ASTN1: variants seen among roughly 807,000 people sequenced by gnomAD.
ASTN1 encodes astrotactin-1.
Under a neutral mutation model 140.7 loss-of-function variants are expected in ASTN1, and 41 were observed. The observed-to-expected ratio is 0.29, with a 90% CI of 0.23 to 0.38. The LOEUF (loss-of-function observed/expected upper bound fraction) is 0.38. Among genes scored for constraint, ASTN1 ranks in the 10% least tolerant of loss-of-function variants. ASTN1 has a pLI of 1.00. For missense variants in ASTN1, 1,479 were observed against 1,678.8 expected (o/e 0.88, Z 2.08); for synonymous variants, 640 against 652.2 (o/e 0.98, Z 0.29).
intron 8 of ASTN1, among the ~76,000 whole-genome samples, chr1:177,012,673 T>C (rs1675348691): frequency 6.6e-6 from 1 of 152,178 alleles, no homozygotes; most frequent in Admixed American, 6.5e-5. Context: ...TAAGACTGTC[T>C]CTACATACAG....
chr1:177,156,532 C>T (rs150677946), intron 1 of ASTN1, among the ~76,000 whole-genome samples: 104 of 151,992 alleles, frequency 6.8e-4, no homozygotes, highest in Non-Finnish European at 1.0e-3. Flanking sequence ...TGAATTAAAA[C>T]GCAAAGTATA....
In ASTN1 at chr1:177,053,089, G is replaced by T. The variant is rs7549252; in HGVS notation, c.471+7989C>A. 8.7e-3 allele frequency among the ~76,000 whole-genome samples: 1,328 copies of T among 152,296 alleles called. 11 individuals are homozygous for T. Among genetic ancestry groups the T allele is most frequent in the African/African-American group, 0.027 (1,143 of 41,578 alleles). On this transcript the variant is annotated intron_variant, in intron 2 of 22. Coordinates refer to ENST00000361833, the MANE Select transcript of ASTN1 (RefSeq NM_004319.3). ...ATACAGTGCTGGAGACACAGTGAGG[G>T]CTTAGTGAGCAATAGCTTTATTACT...
At chr1:176,983,077 G>A (rs1044249388) in intron 8 of ASTN1, among the ~76,000 whole-genome samples, 5 of 152,122 alleles carry the variant, frequency 3.3e-5, no homozygotes, top group African/African-American at 1.2e-4. Context: ...TGTTGGGGTG[G>A]GTGAAATTCA....
At chr1:176,857,435 T>C (rs990619848), downstream of ASTN1, 69 of 403,264 alleles carry the variant, frequency 1.7e-4, no homozygotes, top group Non-Finnish European at 2.1e-4. Context: ...TTTGGGATTA[T>C]AGAAGGACAA....
chr1:176,964,698 G>A (rs550901322), intron 9 of ASTN1, among the ~76,000 whole-genome samples: 10 of 152,206 alleles, frequency 6.6e-5, no homozygotes, highest in Non-Finnish European at 1.3e-4. Flanking sequence ...AGGCAGGGGC[G>A]GGAGAGATTC....
rs1453389733 is a variant in ASTN1 at position 176,876,553 on chromosome 1, A to G, written c.3447T>C (p.Asp1149=). 14 of 1,614,190 alleles carry G rather than the reference A, an allele frequency of 8.7e-6. No individual in the cohort carries two copies. The highest frequency in any genetic ancestry group is 1.1e-5 in the Non-Finnish European group (13 of 1,180,020). Residue 1149 remains aspartate (D), a synonymous_variant, in exon 21 of 23, where the codon GAT becomes GAC. Coordinates refer to ENST00000361833, the MANE Select transcript of ASTN1 (RefSeq NM_004319.3). The part of the protein sequence containing the change: ...VIVKTPCPVV[D]DVKAQEIADK... ...GTCTCTTACCTTGAGCCTTGACATC[A>G]TCCACCACGGGGCATGGGGTCTTCA... is the stretch of plus-strand genomic sequence containing the variant.
chr1:176,949,091 G>T, intron 12 of ASTN1, 94 bp downstream of exon 12: 1 of 1,518,904 alleles, frequency 6.6e-7, no homozygotes, highest in Non-Finnish European at 9.0e-7. Context: ...GGCCTAGGGT[G>T]ACCTATTCAC....
intron 16 of ASTN1, among the ~76,000 whole-genome samples, chr1:176,910,358 A>C (rs529819454): frequency 6.6e-6 from 1 of 152,258 alleles, no homozygotes; most frequent in South Asian, 2.1e-4. Context: ...TTCCATCAAA[A>C]AGTTTGTTGA....
intron 22 of ASTN1, 100 bp from the exon 23 acceptor site, chr1:176,864,621 A>T (rs572992538): frequency 1.3e-6 from 2 of 1,507,212 alleles, no homozygotes; most frequent in African/African-American, 2.8e-5. Context: ...AAGAGGGAAG[A>T]GTGTGGTGTG....
intron 16 of ASTN1, among the ~76,000 whole-genome samples, chr1:176,928,026 A>T (rs543052817): frequency 6.6e-6 from 1 of 151,748 alleles, no homozygotes; most frequent in Non-Finnish European, 1.5e-5. Flanking sequence ...GTTTGTATGT[A>T]TGTGTATATT....
intron 16 of ASTN1, among the ~76,000 whole-genome samples, chr1:176,933,726 G>A (rs1671311843): frequency 6.6e-6 from 1 of 152,132 alleles, no homozygotes; most frequent in Non-Finnish European, 1.5e-5. Flanking sequence ...AGCAAGAAGG[G>A]GTTTACTATG....
chr1:177,057,975 A>G (rs760627357), intron 2 of ASTN1, among the ~76,000 whole-genome samples: 1 of 152,202 alleles, frequency 6.6e-6, no homozygotes, highest in Non-Finnish European at 1.5e-5. Context: ...GATTCTAGGA[A>G]CAACATCTTC....
rs781483980 is a variant in ASTN1, at chr1:176,957,749, T to C, written c.1816A>G (p.Lys606Glu). The change falls in exon 11 of 23, where the codon AAA becomes GAA. Residue 606 changes from lysine (K) to glutamate (E), a missense_variant. This residue lies in a region of ASTN1 where 729 missense variants were observed against 860.4 expected (regional missense o/e 0.85). Transcript: ENST00000361833. Reference sequence around the variant, plus strand: ...TTCTTACTGCAGCCCCCGTTATCTTTGCTGCAGTCGCGCACCGGCCCAAAG... The same window carrying C: ...TTCTTACTGCAGCCCCCGTTATCTTCGCTGCAGTCGCGCACCGGCCCAAAG... The part of the protein sequence containing the change: ...DSFGPVRDCS[K>E]DNGGCSKNFR... The C allele has an allele frequency of 9.3e-6, 15 of 1,614,108 alleles. No individual in the cohort carries two copies. Among genetic ancestry groups the C allele is most frequent in the Non-Finnish European group, 1.3e-5 (15 of 1,179,990 alleles).
At chr1:177,025,645 G>C (rs73045464) in intron 5 of ASTN1, among the ~76,000 whole-genome samples, 1,660 of 152,108 alleles carry the variant, frequency 0.011, 44 homozygotes, top group African/African-American at 0.038. Context: ...GCAATAAAAG[G>C]TTTCCATTAA....
At chr1:176,902,588 G>C (rs547323548) in intron 16 of ASTN1, among the ~76,000 whole-genome samples, 1 of 152,248 alleles carries the variant, frequency 6.6e-6, no homozygotes, top group African/African-American at 2.4e-5. Flanking sequence ...GTCAGCATTG[G>C]CATGGAACAG....
chr1:177,034,226 C>T lies in ASTN1; in HGVS notation c.472-1377G>A, dbSNP rs529590738. 6.3e-5 allele frequency among the ~76,000 whole-genome samples: 9 copies of T among 143,280 alleles called. 1 individual carries two copies. Among genetic ancestry groups the T allele is most frequent in the African/African-American group, 1.8e-4 (7 of 38,404 alleles). 94.0% of individuals were successfully genotyped at this position (143,280 alleles called of 152,430 possible). A position where few individuals can be genotyped will look rare whatever the true frequency, so the allele number is the denominator to read the frequency against. ...TTCCTATTTATCCTCCCCCTCTCAC[C>T]ATCGCTGTGAGCAAAGGAACACACA... On this transcript the variant is annotated intron_variant, in intron 2 of 22. Coordinates refer to ENST00000361833, the MANE Select transcript of ASTN1 (RefSeq NM_004319.3).
intron 8 of ASTN1, among the ~76,000 whole-genome samples, chr1:176,985,014 C>T (rs891097949): frequency 5.3e-5 from 8 of 152,150 alleles, no homozygotes; most frequent in Non-Finnish European, 8.8e-5. Flanking sequence ...GGACTCAAGC[C>T]CAGCTTCTAA....
intron 2 of ASTN1, among the ~76,000 whole-genome samples, chr1:177,057,299 T>C (rs1677855948): frequency 6.6e-6 from 1 of 152,210 alleles, no homozygotes. Context: ...TGATGGTCGA[T>C]TTATACTGGG....
intron 14 of ASTN1, among the ~76,000 whole-genome samples, chr1:176,940,327 A>C (rs1197960982): frequency 1.3e-5 from 2 of 152,174 alleles, no homozygotes; most frequent in Non-Finnish European, 2.9e-5. Context: ...ATCCATAACA[A>C]ACAGCCCAAG....
Sources: gnomAD v4.1 joint callset for allele counts (sites outside exome capture counted in the v4.1 genomes callset) on GRCh38, gnomAD v4.1.1 for gene constraint, gnomAD v4.1.1 regional missense constraint, MANE v1.5 for transcripts, NCBI Gene and HGNC (gene_info 2026-07-23, HGNC 2026-07-21) for gene names.